PXMP2: variants seen among roughly 807,000 people sequenced by gnomAD.
PXMP2 encodes 22 kDa peroxisomal membrane protein.
In PXMP2, 13 loss-of-function variants were observed where a neutral mutation model predicts 20.2. The ratio of observed to expected loss-of-function variants is 0.64; its 90% CI spans 0.42 to 1.02. The LOEUF is 1.02. PXMP2 is among the 50% of genes least tolerant of loss of function. The pLI, the probability that PXMP2 is intolerant of heterozygous loss-of-function variation, is 0.00. For synonymous variants in PXMP2, 113 were observed against 111.2 expected (o/e 1.02, Z -0.10); for missense variants, 284 against 251.8 (o/e 1.13, Z -0.87).
intron 1 of PXMP2, 98 bp from the exon 2 acceptor site, chr12:132,690,164 CT>C (rs1593103472): frequency 3.4e-6 from 3 of 890,824 alleles, no homozygotes; most frequent in Non-Finnish European, 5.5e-6. Context: ...CCCCGCCCAT[CT>C]GCTGCATGGC....
rs148739165 is a variant in PXMP2, at chr12:132,693,888, A to T, written c.237-1996A>T. Among the ~76,000 whole-genome samples, 131 of 32,220 alleles carry T rather than the reference A, an allele frequency of 4.1e-3. 2 individuals carry two copies. The highest frequency in any genetic ancestry group is 8.0e-3 in the East Asian group (12 of 1,502). 21.1% of individuals were successfully genotyped at this position (32,220 alleles called of 152,430 possible). ...TTAGTGAGCTCCCTTAGCCAGTTAGATAGTGAGCGCCCTTAGCCAGTTAGT... is the reference window on the plus strand; with the variant it reads ...TTAGTGAGCTCCCTTAGCCAGTTAGTTAGTGAGCGCCCTTAGCCAGTTAGT... On this transcript the variant is annotated intron_variant, in intron 2 of 4. Coordinates refer to ENST00000317479, the MANE Select transcript of PXMP2 (RefSeq NM_018663.3).
At chr12:132,701,884 G>A (rs1313580639) in intron 4 of PXMP2, among the ~76,000 whole-genome samples, 1 of 152,172 alleles carries the variant, frequency 6.6e-6, no homozygotes, top group African/African-American at 2.4e-5. Flanking sequence ...GAAGCCAGGA[G>A]TTCGAGACCA....
chr12:132,690,421 G>A (rs771413331), intron 2 of PXMP2, 45 bp downstream of exon 2: 1 of 1,472,134 alleles, frequency 6.8e-7, no homozygotes, highest in South Asian at 1.2e-5. Flanking sequence ...GCCGCTGAGT[G>A]CAACCAAGCT....
At chr12:132,695,033 C>T (rs1393841771) in intron 2 of PXMP2, among the ~76,000 whole-genome samples, 1 of 147,854 alleles carries the variant, frequency 6.8e-6, no homozygotes, top group African/African-American at 2.5e-5. Context: ...TTAGTGAGCT[C>T]CCTTAGCCAG....
rs1217137493 is a variant in PXMP2 at position 132,689,171 on chromosome 12, G to C, written c.123-1092G>C. Among the ~76,000 whole-genome samples the C allele has an allele frequency of 6.8e-4, 91 of 133,722 alleles. No homozygotes were observed. In the South Asian group the frequency reaches 0.023, roughly 34 times the overall value. The allele number at this position is 133,722 out of a possible 152,430, so 87.7% of individuals were successfully genotyped here. On this transcript the variant is annotated intron_variant, in intron 1 of 4. Transcript: ENST00000317479. ...GACAGGGCGAGGGGAGCGGGTCTGCGGGGCACGGGTAAAGACAGGGCCAAG... is the reference window on the plus strand; with the variant it reads ...GACAGGGCGAGGGGAGCGGGTCTGCCGGGCACGGGTAAAGACAGGGCCAAG...
chr12:132,701,998 A>G (rs971286247), intron 4 of PXMP2, among the ~76,000 whole-genome samples: 1 of 152,210 alleles, frequency 6.6e-6, no homozygotes, highest in African/African-American at 2.4e-5. Flanking sequence ...GCTGAGGCAC[A>G]AGAATCACTT....
chr12:132,695,762 T>C, intron 2 of PXMP2, 122 bp from the exon 3 acceptor site: 1 of 1,025,796 alleles, frequency 9.7e-7, no homozygotes. Flanking sequence ...CAGACCTGTG[T>C]GGCCAATACT....
rs1224025649 is a variant in PXMP2, at chr12:132,696,634, C to T, written c.399+588C>T. Among the ~76,000 whole-genome samples, 6 of 151,686 alleles carry T rather than the reference C, an allele frequency of 4.0e-5. No homozygotes were observed. Among genetic ancestry groups the T allele is most frequent in the African/African-American group, 1.5e-4 (6 of 41,260 alleles). On this transcript the variant is annotated intron_variant, in intron 3 of 4. Transcript: ENST00000317479. The surrounding 1 kb of genome is among the most constrained non-coding windows in gnomAD (Gnocchi z 4.4). The stretch of plus-strand genomic sequence containing the variant: ...CCAACATGGTGAAACCTCGTCTCTA[C>T]TAAAAATACAAAAAATTTAGCTGGG...
chr12:132,695,685 C>G (rs148477986), intron 2 of PXMP2, among the ~76,000 whole-genome samples, 199 bp from the exon 3 acceptor site: 3 of 152,196 alleles, frequency 2.0e-5, no homozygotes, highest in Non-Finnish European at 4.4e-5. Flanking sequence ...AGAGAGTCAA[C>G]GGCAGGAGCA....
chr12:132,701,405 C>T (rs1464584027), intron 4 of PXMP2, 36 bp downstream of exon 4: 1 of 1,606,184 alleles, frequency 6.2e-7, no homozygotes, highest in Non-Finnish European at 8.5e-7. Flanking sequence ...GCTAACATTA[C>T]TTTGTCAGCC....
chr12:132,704,366 T>G (rs2043458905), intron 4 of PXMP2, among the ~76,000 whole-genome samples: 1 of 152,122 alleles, frequency 6.6e-6, no homozygotes, highest in Non-Finnish European at 1.5e-5. Context: ...GAGAGTGACT[T>G]GGCTTTGGGA....
chr12:132,701,357 C>T lies in PXMP2; in HGVS notation c.507C>T (p.Tyr169=), dbSNP rs748086047. The part of the protein sequence containing the change: ...WTPLQFININ[Y]VPLKFRVLFA... The stretch of plus-strand genomic sequence containing the variant: ...CACTACAGTTCATCAACATCAACTA[C>T]GTCCCTCTGAAGGTGAGGGCCACGG... Residue 169 remains tyrosine (Y), a synonymous_variant, in exon 4 of 5, where the codon TAC becomes TAT. Coordinates refer to ENST00000317479, the MANE Select transcript of PXMP2 (RefSeq NM_018663.3). 17 of 1,612,672 alleles carry T rather than the reference C, an allele frequency of 1.1e-5. No individual in the cohort carries two copies. Among genetic ancestry groups the T allele is most frequent in the African/African-American group, 4.0e-5 (3 of 74,840 alleles).
chr12:132,687,725 C>T lies in PXMP2; in HGVS notation c.55C>T (p.Arg19Trp), dbSNP rs749545247. 4 of 1,213,440 alleles carry T rather than the reference C, an allele frequency of 3.3e-6. No homozygotes were observed. The highest frequency in any genetic ancestry group is 3.1e-6 in the Non-Finnish European group (3 of 974,028). 75.2% of individuals were successfully genotyped at this position (1,213,440 alleles called of 1,614,324 possible). The change falls in exon 1 of 5, where the codon CGG becomes TGG. Residue 19 changes from arginine (R) to tryptophan (W), a missense_variant. By Grantham distance (101) the Arg-to-Trp change is moderately radical. Coordinates refer to ENST00000317479, the MANE Select transcript of PXMP2 (RefSeq NM_018663.3). ...RAEAGLGALPRRALAQYLLFL... is the reference protein window; with the variant it reads ...RAEAGLGALPWRALAQYLLFL... The stretch of plus-strand genomic sequence containing the variant: ...CGAAGCCGGGCTCGGGGCGCTGCCG[C>T]GGCGGGCGCTCGCCCAGTACCTGCT...
chr12:132,690,452 T>C, intron 2 of PXMP2, 76 bp downstream of exon 2: 2 of 1,046,062 alleles, frequency 1.9e-6, no homozygotes, highest in Non-Finnish European at 2.9e-6. Flanking sequence ...ACCGAGTAGT[T>C]GGAGTACTCT....
At chr12:132,703,432 T>C (rs1245429652) in intron 4 of PXMP2, among the ~76,000 whole-genome samples, 8 of 152,156 alleles carry the variant, frequency 5.3e-5, no homozygotes, top group Non-Finnish European at 1.2e-4. Context: ...AGAGCAGCTC[T>C]GCGGGGTCCC....
intron 3 of PXMP2, among the ~76,000 whole-genome samples, chr12:132,697,093 G>A (rs1437377726): frequency 6.6e-6 from 1 of 152,174 alleles, no homozygotes; most frequent in Admixed American, 6.5e-5. Flanking sequence ...TTCGGGACCA[G>A]CCTGGGCAAC....
intron 4 of PXMP2, chr12:132,702,471 C>T (rs1477035451): frequency 7.3e-6 from 3 of 408,818 alleles, no homozygotes; most frequent in Admixed American, 2.6e-5. Context: ...GGATGGGGTG[C>T]AGCACCCCCT....
At chr12:132,698,159 G>T (rs149955190) in intron 3 of PXMP2, among the ~76,000 whole-genome samples, 1 of 151,866 alleles carries the variant, frequency 6.6e-6, no homozygotes, top group Non-Finnish European at 1.5e-5. Flanking sequence ...GCAGGTGCCC[G>T]CCACCATGCC....
In PXMP2 at chr12:132,687,874, C is replaced by T; in HGVS notation, c.122+82C>T. The T allele has an allele frequency of 8.3e-6, 9 of 1,081,942 alleles. No individual in the cohort carries two copies. The South Asian group carries it at 3.9e-4, about 47-fold the overall frequency. 67.0% of individuals were successfully genotyped at this position (1,081,942 alleles called of 1,614,324 possible). The stretch of plus-strand genomic sequence containing the variant: ...GCGGGGCCTGGACGGGAGCGCCGGG[C>T]CGGGACCAGGCTGGGGGCGCGCCCG... On this transcript the variant is annotated intron_variant, in intron 1 of 4. Transcript: ENST00000317479.
Sources: gnomAD v4.1 joint callset for allele counts (sites outside exome capture counted in the v4.1 genomes callset) on GRCh38, gnomAD v4.1.1 for gene constraint, Gnocchi (gnomAD v3.1) non-coding constraint, MANE v1.5 for transcripts, NCBI Gene and HGNC (gene_info 2026-07-23, HGNC 2026-07-21) for gene names.